FAM135B: variants seen among roughly 807,000 people sequenced by gnomAD.
FAM135B encodes the protein protein FAM135B.
In FAM135B, 43 loss-of-function variants were observed where a neutral mutation model predicts 127.7. The observed-to-expected ratio is 0.34, with a 90% CI of 0.26 to 0.43. The LOEUF is 0.43. Ranked by LOEUF, FAM135B falls within the 20% of genes least tolerant of loss-of-function variation. The pLI is 1.00. For missense variants in FAM135B, 1,558 were observed against 1,725.6 expected (o/e 0.90, Z 1.72); for synonymous variants, 670 against 665.1 (o/e 1.01, Z -0.11).
chr8:138,430,127 C>T (rs1392782044), intron 1 of FAM135B, among the ~76,000 whole-genome samples: 1 of 152,156 alleles, frequency 6.6e-6, no homozygotes, highest in Non-Finnish European at 1.5e-5. Flanking sequence ...GCCTTCACCA[C>T]CTTCCCAGTT....
At chr8:138,206,418 C>A (rs1325855828) in intron 7 of FAM135B, among the ~76,000 whole-genome samples, 1 of 151,106 alleles carries the variant, frequency 6.6e-6, no homozygotes, top group African/African-American at 2.4e-5. Flanking sequence ...TCGTCCCCTC[C>A]ACCTACACAC....
intron 3 of FAM135B, among the ~76,000 whole-genome samples, chr8:138,267,869 T>C (rs968930128): frequency 6.6e-6 from 1 of 152,252 alleles, no homozygotes; most frequent in Admixed American, 6.5e-5. Flanking sequence ...GTATTCAAAT[T>C]GATGCGGCTA....
At chr8:138,325,680 A>T (rs1048641408) in intron 2 of FAM135B, among the ~76,000 whole-genome samples, 7 of 152,190 alleles carry the variant, frequency 4.6e-5, no homozygotes, top group African/African-American at 1.7e-4. Flanking sequence ...TAAACTTGGA[A>T]GTCTGAACAG....
chr8:138,191,986 G>C (rs115972885), intron 9 of FAM135B, among the ~76,000 whole-genome samples: 1 of 152,204 alleles, frequency 6.6e-6, no homozygotes, highest in African/African-American at 2.4e-5. Context: ...CAGCGTCACA[G>C]GGACCAGCAG....
intron 1 of FAM135B, among the ~76,000 whole-genome samples, chr8:138,388,347 A>G (rs1832342329): frequency 6.6e-6 from 1 of 152,242 alleles, no homozygotes; most frequent in African/African-American, 2.4e-5. Flanking sequence ...GTTTTGTATG[A>G]AATGAAATAT....
chr8:138,155,703 C>T (rs897912969), intron 12 of FAM135B, among the ~76,000 whole-genome samples: 1 of 152,074 alleles, frequency 6.6e-6, no homozygotes, highest in Non-Finnish European at 1.5e-5. Flanking sequence ...CAAAGAAAGC[C>T]ATTACATAAT....
chr8:138,459,947 G>A (rs1837030999), intron 1 of FAM135B, among the ~76,000 whole-genome samples: 1 of 152,144 alleles, frequency 6.6e-6, no homozygotes, highest in Non-Finnish European at 1.5e-5. Flanking sequence ...TCCATCAGCT[G>A]TAAAATGAAT....
At chr8:138,399,217 C>T (rs1457627204) in intron 1 of FAM135B, among the ~76,000 whole-genome samples, 1 of 152,126 alleles carries the variant, frequency 6.6e-6, no homozygotes, top group Non-Finnish European at 1.5e-5. Flanking sequence ...CCCATTAATT[C>T]TCAGAAGTGT....
At chr8:138,308,262 G>A (rs1445200671) in intron 3 of FAM135B, among the ~76,000 whole-genome samples, 1 of 152,222 alleles carries the variant, frequency 6.6e-6, no homozygotes, top group African/African-American at 2.4e-5. Flanking sequence ...GTCAGACACA[G>A]ATGAGTGAAG....
At chr8:138,157,714 A>G (rs1428722207) in intron 12 of FAM135B, among the ~76,000 whole-genome samples, 3 of 152,210 alleles carry the variant, frequency 2.0e-5, no homozygotes, top group African/African-American at 2.4e-5. Context: ...CAAAGAGAAT[A>G]AAATACTTAG....
chr8:138,224,224 A>C (rs1474090516), intron 7 of FAM135B, among the ~76,000 whole-genome samples: 3 of 152,334 alleles, frequency 2.0e-5, no homozygotes, highest in East Asian at 3.9e-4. Context: ...AGCTAGGGAA[A>C]TACCACGGTT....
intron 3 of FAM135B, among the ~76,000 whole-genome samples, chr8:138,266,061 C>T (rs756135668): frequency 6.6e-6 from 1 of 152,166 alleles, no homozygotes; most frequent in Admixed American, 6.5e-5. Context: ...CCCTTACAAG[C>T]GATAAAATCT....
At chr8:138,293,737 C>CA (rs1335209179) in intron 3 of FAM135B, among the ~76,000 whole-genome samples, 1 of 151,976 alleles carries the variant, frequency 6.6e-6, no homozygotes, top group Non-Finnish European at 1.5e-5. Flanking sequence ...ATTAAAAAGT[C>CA]AAAAAACAGT....
At chr8:138,246,307 C>T (rs1042902393) in intron 6 of FAM135B, among the ~76,000 whole-genome samples, 1 of 152,086 alleles carries the variant, frequency 6.6e-6, no homozygotes, top group African/African-American at 2.4e-5. Flanking sequence ...TCATGGAAGC[C>T]CCTCCCATCA....
chr8:138,458,630 T>C (rs1836937654), intron 1 of FAM135B, among the ~76,000 whole-genome samples: 1 of 152,202 alleles, frequency 6.6e-6, no homozygotes, highest in African/African-American at 2.4e-5. Flanking sequence ...TTTGTGTAAA[T>C]AAAGCTTTAT....
intron 2 of FAM135B, among the ~76,000 whole-genome samples, chr8:138,339,431 C>T (rs1828884460): frequency 6.6e-6 from 1 of 151,052 alleles, no homozygotes; most frequent in Non-Finnish European, 1.5e-5. Context: ...CCTCCCCCAC[C>T]ACCCCCCACA....
intron 7 of FAM135B, among the ~76,000 whole-genome samples, chr8:138,237,507 T>C (rs1260198619): frequency 6.6e-6 from 1 of 152,184 alleles, no homozygotes; most frequent in Non-Finnish European, 1.5e-5. Flanking sequence ...TGAGTATTCA[T>C]CAGCTGTGAT....
At chr8:138,171,523 T>A (rs1296226463) in intron 11 of FAM135B, among the ~76,000 whole-genome samples, 1 of 152,240 alleles carries the variant, frequency 6.6e-6, no homozygotes, top group African/African-American at 2.4e-5. Context: ...CAATGATGCA[T>A]ATCCCAAGTG....
At chr8:138,393,461 A>C (rs990597358) in intron 1 of FAM135B, among the ~76,000 whole-genome samples, 10 of 151,832 alleles carry the variant, frequency 6.6e-5, no homozygotes, top group African/African-American at 2.4e-4. Context: ...TAGTGAAAAA[A>C]AAAAAAAAAA....
Sources: allele counts gnomAD v4.1 joint callset (sites outside exome capture counted in the v4.1 genomes callset), GRCh38; gene constraint gnomAD v4.1.1; transcripts MANE v1.5; gene names NCBI Gene and HGNC (gene_info 2026-07-23, HGNC 2026-07-21).